Variants in KCNJ6 observed in about 807,000 individuals in gnomAD.
KCNJ6 encodes the protein potassium inwardly rectifying channel subfamily J member 6.
KCNJ6 carries 9 observed loss-of-function variants against 34.2 expected under a neutral mutation model. That is an observed-to-expected ratio of 0.26 (90% CI 0.16 to 0.46). The LOEUF (loss-of-function observed/expected upper bound fraction) is 0.46. KCNJ6 is among the 20% of genes least tolerant of loss of function. The pLI, the probability that KCNJ6 is intolerant of heterozygous loss-of-function variation, is 1.00. For synonymous variants in KCNJ6, 196 were observed against 207.1 expected (o/e 0.95, Z 0.46); for missense variants, 236 against 531.3 (o/e 0.44, Z 5.46).
intron 3 of KCNJ6, among the ~76,000 whole-genome samples, chr21:37,674,370 T>G (rs550592794): frequency 6.6e-6 from 1 of 152,224 alleles, no homozygotes; most frequent in African/African-American, 2.4e-5. Context: ...ACAGCCATCC[T>G]TTCAAAATGC....
At chr21:37,718,955 G>A (rs984103455) in intron 2 of KCNJ6, among the ~76,000 whole-genome samples, 4 of 152,206 alleles carry the variant, frequency 2.6e-5, no homozygotes, top group African/African-American at 9.6e-5. Context: ...CGTGGGTGCA[G>A]GCCAGGTGCA....
At position 37,625,503 on chromosome 21, in the gene KCNJ6, A is replaced by T; in HGVS notation, c.947-19T>A. The T allele has an allele frequency of 6.3e-7, 1 of 1,587,382 alleles. No homozygotes were observed. Among genetic ancestry groups the T allele is most frequent in the Non-Finnish European group, 8.6e-7 (1 of 1,160,820 alleles). On this transcript the variant is annotated intron_variant, in intron 3 of 3. Transcript: ENST00000609713. The stretch of plus-strand genomic sequence containing the variant: ...GTCATCCCTGCAGAGAGAAGAATGG[A>T]GGCTTTAGCATATGTAAGTGTGGGC...
chr21:37,644,808 T>C (rs1478561837), intron 3 of KCNJ6, among the ~76,000 whole-genome samples: 1 of 152,192 alleles, frequency 6.6e-6, no homozygotes, highest in Non-Finnish European at 1.5e-5. Context: ...GCTTTGTTAA[T>C]AGCCTGTCAA....
intron 3 of KCNJ6, among the ~76,000 whole-genome samples, chr21:37,649,158 A>ACG (rs1391652027): frequency 7.8e-5 from 7 of 89,746 alleles, no homozygotes; most frequent in Non-Finnish European, 1.1e-4. Flanking sequence ...AAAAAAAGAA[A>ACG]GAAAAAGAAA....
rs1487214075 is a variant in KCNJ6, at chr21:37,715,580, C to G, written c.26-449G>C. ...ATATCTGTTATGGACTGTATTGTGT[C>G]CTCACCAAATCCATATGGGGCTTGA... On this transcript the variant is annotated intron_variant, in intron 2 of 3. Transcript: ENST00000609713. 2.6e-5 allele frequency among the ~76,000 whole-genome samples: 4 copies of G among 152,316 alleles called. No individual in the cohort carries two copies. The East Asian group carries it at 5.8e-4, about 22-fold the overall frequency.
intron 2 of KCNJ6, among the ~76,000 whole-genome samples, chr21:37,740,980 C>T (rs2054938457): frequency 6.6e-6 from 1 of 152,176 alleles, no homozygotes; most frequent in Admixed American, 6.5e-5. Context: ...TTGGGGGTAC[C>T]CCATGGTTTG....
At chr21:37,837,429 G>C (rs1161760943) in intron 2 of KCNJ6, among the ~76,000 whole-genome samples, 2 of 152,126 alleles carry the variant, frequency 1.3e-5, no homozygotes, top group Admixed American at 1.3e-4. Context: ...TTTTGGAGGT[G>C]GTTGATGAAT....
intron 2 of KCNJ6, among the ~76,000 whole-genome samples, chr21:37,774,416 G>A (rs1388666468): frequency 2.6e-5 from 4 of 151,966 alleles, no homozygotes; most frequent in African/African-American, 9.7e-5. Flanking sequence ...TGTTACATAT[G>A]TATACGTGTG....
At chr21:37,783,712 T>C (rs2055180534) in intron 2 of KCNJ6, among the ~76,000 whole-genome samples, 1 of 152,208 alleles carries the variant, frequency 6.6e-6, no homozygotes, top group Non-Finnish European at 1.5e-5. Flanking sequence ...AATGTTCAAA[T>C]TCATATGTTG....
chr21:37,736,844 G>A (rs1601445874), intron 2 of KCNJ6, among the ~76,000 whole-genome samples: 1 of 152,160 alleles, frequency 6.6e-6, no homozygotes, highest in African/African-American at 2.4e-5. Flanking sequence ...GAATGCCTAT[G>A]AGCTCCAACT....
chr21:37,809,494 G>A (rs1316266854), intron 2 of KCNJ6, among the ~76,000 whole-genome samples: 1 of 151,874 alleles, frequency 6.6e-6, no homozygotes, highest in Non-Finnish European at 1.5e-5. Flanking sequence ...CCTGCACATT[G>A]TGCACATGTA....
intron 3 of KCNJ6, among the ~76,000 whole-genome samples, chr21:37,662,329 C>T (rs2054493287): frequency 6.6e-6 from 1 of 152,154 alleles, no homozygotes; most frequent in South Asian, 2.1e-4. Context: ...GTTCAGCTTC[C>T]ACTTATAAGT....
chr21:37,837,717 T>G (rs896998322), intron 2 of KCNJ6, among the ~76,000 whole-genome samples: 4 of 152,076 alleles, frequency 2.6e-5, no homozygotes, highest in Admixed American at 2.6e-4. Flanking sequence ...CTGTCTGTTT[T>G]TTTTTTTTTC....
In KCNJ6 at chr21:37,815,408, C is replaced by T. The variant is rs140675462; in HGVS notation, c.25+25250G>A. Among the ~76,000 whole-genome samples, 272 of 152,196 alleles carry T rather than the reference C, an allele frequency of 1.8e-3. 1 individual carries two copies. The highest frequency in any genetic ancestry group is 2.9e-3 in the African/African-American group (121 of 41,530). On this transcript the variant is annotated intron_variant, in intron 2 of 3. Coordinates refer to ENST00000609713, the MANE Select transcript of KCNJ6 (RefSeq NM_002240.5). Reference sequence around the variant, plus strand: ...AATACATATACCCACTATGTACCCACGAAAATTAAAAATAAAAGATGGAAA... The same window carrying T: ...AATACATATACCCACTATGTACCCATGAAAATTAAAAATAAAAGATGGAAA...
At chr21:37,848,421 T>C in intron 1 of KCNJ6, among the ~76,000 whole-genome samples, 1 of 152,022 alleles carries the variant, frequency 6.6e-6, no homozygotes, top group East Asian at 1.9e-4. Flanking sequence ...TCGAAGGAGG[T>C]GACATTTTTG....
intron 3 of KCNJ6, among the ~76,000 whole-genome samples, chr21:37,627,682 C>T (rs974844949): frequency 1.3e-5 from 2 of 152,100 alleles, no homozygotes; most frequent in African/African-American, 2.4e-5. Context: ...CTGACATATT[C>T]CTGAGAAACT....
chr21:37,805,026 A>G (rs1215890521), intron 2 of KCNJ6, among the ~76,000 whole-genome samples: 1 of 152,192 alleles, frequency 6.6e-6, no homozygotes, highest in Non-Finnish European at 1.5e-5. Context: ...ACAACAGACC[A>G]TCTATTGTGC....
intron 3 of KCNJ6, among the ~76,000 whole-genome samples, chr21:37,667,874 G>A (rs2054523939): frequency 6.6e-6 from 1 of 151,862 alleles, no homozygotes; most frequent in Admixed American, 6.6e-5. Flanking sequence ...TTGGGCCAGA[G>A]CCTACCTCGA....
chr21:37,760,143 T>A (rs2055053366), intron 2 of KCNJ6, among the ~76,000 whole-genome samples: 1 of 152,166 alleles, frequency 6.6e-6, no homozygotes, highest in South Asian at 2.1e-4. Context: ...TACAAGAGAA[T>A]AAGTCCTGGT....
Sources: gnomAD v4.1 joint callset for allele counts (sites outside exome capture counted in the v4.1 genomes callset) on GRCh38, gnomAD v4.1.1 for gene constraint, MANE v1.5 for transcripts, NCBI Gene and HGNC (gene_info 2026-07-23, HGNC 2026-07-21) for gene names.